Variants in CHCHD3 observed in about 807,000 individuals in gnomAD.
CHCHD3 encodes coiled-coil-helix-coiled-coil-helix domain containing 3, also known as MICOS complex subunit MIC19.
A neutral mutation model predicts 38.2 loss-of-function variants in CHCHD3; 20 were observed. That is an observed-to-expected ratio of 0.52 (90% CI 0.37 to 0.76). CHCHD3 has a LOEUF of 0.76. Among genes scored for constraint, CHCHD3 ranks in the 30% least tolerant of loss-of-function variants. The pLI is 0.00. For synonymous variants in CHCHD3, 82 were observed against 100.0 expected, an observed-to-expected ratio of 0.82 and a Z score of 1.07; for missense variants, 245 against 279.2, an observed-to-expected ratio of 0.88 and a Z score of 0.87.
chr7:133,021,749 G>C (rs1813183944), intron 3 of CHCHD3, among the ~76,000 whole-genome samples: 1 of 152,138 alleles, frequency 6.6e-6, no homozygotes, highest in Non-Finnish European at 1.5e-5. Flanking sequence ...TGTGTCATGG[G>C]ATATGGGGAT....
chr7:132,984,210 A>C (rs10248855), intron 3 of CHCHD3, among the ~76,000 whole-genome samples: 1 of 149,494 alleles, frequency 6.7e-6, no homozygotes, highest in Non-Finnish European at 1.5e-5. Flanking sequence ...TTGCAGGCGC[A>C]CGGCGCCACG....
chr7:133,074,153 A>G (rs895608507), intron 1 of CHCHD3, among the ~76,000 whole-genome samples: 1 of 152,152 alleles, frequency 6.6e-6, no homozygotes, highest in Admixed American at 6.5e-5. Flanking sequence ...TTTCCACTAG[A>G]TTGCAAGCTC....
chr7:132,825,205 G>GT (rs763185524), intron 6 of CHCHD3, among the ~76,000 whole-genome samples: 1 of 152,262 alleles, frequency 6.6e-6, no homozygotes, highest in South Asian at 2.1e-4. Context: ...ACTGAGGATG[G>GT]TAAGTTCTTC....
chr7:132,840,956 G>A (rs1807925322), intron 5 of CHCHD3, among the ~76,000 whole-genome samples: 1 of 151,930 alleles, frequency 6.6e-6, no homozygotes, highest in South Asian at 2.1e-4. Context: ...CCCAGTACCT[G>A]TGTTGCTTGA....
chr7:132,917,406 T>C, intron 4 of CHCHD3, among the ~76,000 whole-genome samples: 1 of 152,216 alleles, frequency 6.6e-6, no homozygotes, highest in East Asian at 1.9e-4. Flanking sequence ...AACCCTCTCC[T>C]CTTTTAACTA....
rs531880491 is a variant in CHCHD3, at chr7:133,038,486, T to A, written c.170-13859A>T. Among the ~76,000 whole-genome samples the A allele has an allele frequency of 3.3e-5, 5 of 152,326 alleles. No individual in the cohort carries two copies. In the East Asian group the frequency reaches 9.6e-4, roughly 29 times the overall value. Reference sequence around the variant, plus strand: ...TACAGGTAGAAAAGAGAGGAAATGTTAGAGAGCCAAGACATTCTCTTTTCA... The same window carrying A: ...TACAGGTAGAAAAGAGAGGAAATGTAAGAGAGCCAAGACATTCTCTTTTCA... On this transcript the variant is annotated intron_variant, in intron 2 of 7. Coordinates refer to ENST00000262570, the MANE Select transcript of CHCHD3 (RefSeq NM_017812.4).
At chr7:133,021,696 G>A (rs1276679920) in intron 3 of CHCHD3, among the ~76,000 whole-genome samples, 1 of 152,166 alleles carries the variant, frequency 6.6e-6, no homozygotes, top group African/African-American at 2.4e-5. Flanking sequence ...CACCACATAT[G>A]TAGAGTGACT....
At chr7:132,786,869 G>A (rs1806334641) in intron 7 of CHCHD3, among the ~76,000 whole-genome samples, 2 of 152,212 alleles carry the variant, frequency 1.3e-5, no homozygotes, top group South Asian at 4.1e-4. Context: ...GAACCAAATA[G>A]TATCTGGTAG....
At chr7:132,804,913 G>A (rs970410068) in intron 6 of CHCHD3, among the ~76,000 whole-genome samples, 2 of 152,158 alleles carry the variant, frequency 1.3e-5, no homozygotes, top group Non-Finnish European at 2.9e-5. Flanking sequence ...AGTGGGAGGA[G>A]GGGTAGAGTC....
At chr7:132,987,135 C>A (rs1465476858) in intron 3 of CHCHD3, among the ~76,000 whole-genome samples, 1 of 152,102 alleles carries the variant, frequency 6.6e-6, no homozygotes, top group Non-Finnish European at 1.5e-5. Flanking sequence ...GGTGACTTAC[C>A]CCCAAACAGA....
At chr7:132,955,645 T>C (rs1811146140) in intron 4 of CHCHD3, among the ~76,000 whole-genome samples, 1 of 152,086 alleles carries the variant, frequency 6.6e-6, no homozygotes, top group African/African-American at 2.4e-5. Flanking sequence ...TTGTTCATCA[T>C]ACTTGTTAAG....
Position 132,883,851 on chromosome 7 carries a change from A to T in CHCHD3, c.453+1811T>A, listed in dbSNP as rs185107011. Among the ~76,000 whole-genome samples, 13 of 152,304 alleles carry T rather than the reference A, an allele frequency of 8.5e-5. 1 individual carries two copies. The highest frequency in any genetic ancestry group is 8.5e-4 in the Admixed American group (13 of 15,288). ...GTGTCCTGAGCTTAACATATCCACA[A>T]TCAAACTCCTGATTTCCTCCACCAC... On this transcript the variant is annotated intron_variant, in intron 5 of 7. Coordinates refer to ENST00000262570, the MANE Select transcript of CHCHD3 (RefSeq NM_017812.4).
At chr7:132,971,657 T>C (rs1217772282) in intron 4 of CHCHD3, among the ~76,000 whole-genome samples, 2 of 152,206 alleles carry the variant, frequency 1.3e-5, no homozygotes, top group South Asian at 2.1e-4. Context: ...GGAATCGTTT[T>C]ATTTCACAGT....
chr7:133,029,634 C>T (rs1290199273), intron 2 of CHCHD3, among the ~76,000 whole-genome samples: 3 of 152,146 alleles, frequency 2.0e-5, no homozygotes, highest in South Asian at 2.1e-4. Context: ...TGTGATCAAA[C>T]GGTGACCAGC....
intron 5 of CHCHD3, among the ~76,000 whole-genome samples, chr7:132,847,075 G>A (rs747292232): frequency 1.3e-5 from 2 of 152,098 alleles, no homozygotes; most frequent in African/African-American, 2.4e-5. Context: ...TAGCCACCCC[G>A]AGCAGTTGAC....
intron 2 of CHCHD3, among the ~76,000 whole-genome samples, chr7:133,034,184 G>A (rs73724157): frequency 2.6e-4 from 40 of 152,102 alleles, no homozygotes; most frequent in African/African-American, 9.6e-4. Context: ...ATATCAGAAT[G>A]AATACTGAAC....
chr7:132,915,724 A>G (rs1810085023), intron 4 of CHCHD3, among the ~76,000 whole-genome samples: 1 of 152,164 alleles, frequency 6.6e-6, no homozygotes, highest in Non-Finnish European at 1.5e-5. Flanking sequence ...TCTTCTCAAG[A>G]TAATTCATAG....
chr7:132,840,157 C>T (rs1257428021), intron 5 of CHCHD3, among the ~76,000 whole-genome samples: 3 of 152,180 alleles, frequency 2.0e-5, no homozygotes, highest in South Asian at 4.1e-4. Flanking sequence ...GGTTATGTCA[C>T]ACCTTCCTAT....
chr7:133,039,298 G>A (rs1260501935), intron 2 of CHCHD3, among the ~76,000 whole-genome samples: 1 of 152,152 alleles, frequency 6.6e-6, no homozygotes, highest in Non-Finnish European at 1.5e-5. Context: ...CACGATAAGA[G>A]ATATTACAGC....
Sources: allele counts gnomAD v4.1 joint callset (sites outside exome capture counted in the v4.1 genomes callset), GRCh38; gene constraint gnomAD v4.1.1; transcripts MANE v1.5; gene names NCBI Gene and HGNC (gene_info 2026-07-23, HGNC 2026-07-21).